The following PDE10A variants were observed in gnomAD, a reference collection of about 807,000 sequenced individuals.
PDE10A encodes the protein cAMP and cAMP-inhibited cGMP 3',5'-cyclic phosphodiesterase 10A.
A neutral mutation model predicts 97.7 loss-of-function variants in PDE10A; 39 were observed. That is an observed-to-expected ratio of 0.40 (90% CI 0.31 to 0.52). The LOEUF is 0.52. Among genes scored for constraint, PDE10A ranks in the 20% least tolerant of loss-of-function variants. The pLI, the probability that PDE10A is intolerant of heterozygous loss-of-function variation, is 0.56. For synonymous variants in PDE10A, 371 were observed against 376.8 expected (o/e 0.98, Z 0.18); for missense variants, 731 against 1,047.8 (o/e 0.70, Z 4.17).
intron 13 of PDE10A, among the ~76,000 whole-genome samples, chr6:165,408,546 C>A (rs1395692750): frequency 6.6e-6 from 1 of 152,006 alleles, no homozygotes; most frequent in East Asian, 1.9e-4. Flanking sequence ...AGGGATCCCA[C>A]TATAAAGAAA....
At chr6:165,934,007 C>G (rs1447445370) in intron 1 of PDE10A, among the ~76,000 whole-genome samples, 1 of 146,216 alleles carries the variant, frequency 6.8e-6, no homozygotes. Flanking sequence ...TTTTTTTAGT[C>G]GGAGTCTCAC....
rs573531101 is a variant in PDE10A at position 165,826,166 on chromosome 6, C to T, written c.-615+161363G>A. Among the ~76,000 whole-genome samples, 6 of 152,304 alleles carry T rather than the reference C, an allele frequency of 3.9e-5. No individual in the cohort carries two copies. In the South Asian group the frequency reaches 1.2e-3, roughly 32 times the overall value. ...GTATTTCTTGATCACAGAGTTGACA[C>T]AATGTCCTTGCCTTTTATTTTCCTC... On this transcript the variant is annotated intron_variant, in intron 1 of 19. Coordinates refer to the PDE10A transcript ENST00000366882.
At position 165,482,227 on chromosome 6, in the gene PDE10A, T is replaced by C. The variant is rs534368958; in HGVS notation, c.1023+88A>G. On this transcript the variant is annotated intron_variant, in intron 3 of 21. Coordinates refer to ENST00000539869, the MANE Select transcript of PDE10A (RefSeq NM_001385079.1). ...TCAGTTTTTGCCATAATCTTTCTGA[T>C]ACTTTAATGTGTTAGAGTACTGAGA... is the stretch of plus-strand genomic sequence containing the variant. 11 of 895,428 alleles carry C rather than the reference T, an allele frequency of 1.2e-5. No individual in the cohort carries two copies. The South Asian group carries it at 1.5e-4, about 12-fold the overall frequency. 55.5% of individuals were successfully genotyped at this position (895,428 alleles called of 1,614,324 possible). A position where few individuals can be genotyped will look rare whatever the true frequency, so the allele number is the denominator to read the frequency against.
chr6:165,485,366 G>T (rs1009160155), intron 2 of PDE10A, among the ~76,000 whole-genome samples: 5 of 151,426 alleles, frequency 3.3e-5, no homozygotes, highest in African/African-American at 1.2e-4. Flanking sequence ...TACTCTGGAG[G>T]CTGAGGCAGG....
Position 165,671,407 on chromosome 6 carries a change from G to T in PDE10A, c.-614-127839C>A, listed in dbSNP as rs907066386. 5.3e-5 allele frequency among the ~76,000 whole-genome samples: 8 copies of T among 152,094 alleles called. No homozygotes were observed. Among genetic ancestry groups the T allele is most frequent in the African/African-American group, 1.7e-4 (7 of 41,412 alleles). On this transcript the variant is annotated intron_variant, in intron 1 of 19. Transcript: ENST00000366882. This position sits in a 1 kb window ranked among gnomAD's most constrained non-coding sequence, Gnocchi z 4.6. ...GCCCGAATTCAGCCCAGGTGCCTCT[G>T]CCCATTTACTGCCCAGAACTGAACA... is the stretch of plus-strand genomic sequence containing the variant.
At chr6:165,915,842 C>T (rs1181764353) in intron 1 of PDE10A, among the ~76,000 whole-genome samples, 1 of 152,242 alleles carries the variant, frequency 6.6e-6, no homozygotes, top group African/African-American at 2.4e-5. Flanking sequence ...TACTTCAACT[C>T]TGTGATTCAA....
chr6:165,734,810 G>A (rs1583012112), intron 1 of PDE10A, among the ~76,000 whole-genome samples: 1 of 152,324 alleles, frequency 6.6e-6, no homozygotes, highest in Middle Eastern at 3.4e-3. Context: ...TGTTTTCACA[G>A]AGCCAGTAAC....
chr6:165,857,737 G>GTGTGTA (rs397518282), intron 1 of PDE10A, among the ~76,000 whole-genome samples: 117 of 74,842 alleles, frequency 1.6e-3, no homozygotes, highest in African/African-American at 5.0e-3. Context: ...GTGTGTGTGT[G>GTGTGTA]AAGAATGATT....
At chr6:165,916,365 C>T (rs1782603733) in intron 1 of PDE10A, among the ~76,000 whole-genome samples, 1 of 152,146 alleles carries the variant, frequency 6.6e-6, no homozygotes, top group African/African-American at 2.4e-5. Flanking sequence ...CAGGACCATC[C>T]TAGGGTAGCT....
intron 1 of PDE10A, among the ~76,000 whole-genome samples, chr6:165,727,073 C>T (rs1165486478): frequency 6.6e-6 from 1 of 152,188 alleles, no homozygotes; most frequent in Non-Finnish European, 1.5e-5. Context: ...CTGCTTCCTC[C>T]GCCCAGAATC....
intron 1 of PDE10A, among the ~76,000 whole-genome samples, chr6:165,904,363 G>C (rs917451965): frequency 6.6e-6 from 1 of 152,126 alleles, no homozygotes; most frequent in Non-Finnish European, 1.5e-5. Context: ...AAAGAGACAA[G>C]GAAGTCTCTA....
At chr6:165,422,070 GA>G (rs1788734410) in intron 10 of PDE10A, among the ~76,000 whole-genome samples, 1 of 152,036 alleles carries the variant, frequency 6.6e-6, no homozygotes, top group South Asian at 2.1e-4. Context: ...TCTAAAGAAA[GA>G]AAAAGAGGCT....
intron 1 of PDE10A, among the ~76,000 whole-genome samples, chr6:165,748,225 A>C (rs558538612): frequency 1.3e-5 from 2 of 152,236 alleles, no homozygotes; most frequent in Non-Finnish European, 2.9e-5. Flanking sequence ...TTAGCATTTC[A>C]TGTCAATTCC....
At chr6:165,549,490 A>C (rs1783905603) in intron 1 of PDE10A, among the ~76,000 whole-genome samples, 1 of 151,928 alleles carries the variant, frequency 6.6e-6, no homozygotes, top group South Asian at 2.1e-4. Context: ...ACGCCCGGCC[A>C]ATTTTTTGTA....
intron 1 of PDE10A, among the ~76,000 whole-genome samples, chr6:165,677,415 G>A (rs1224440559): frequency 6.6e-6 from 1 of 152,186 alleles, no homozygotes. Flanking sequence ...GTCACATACA[G>A]TGAGCCCTCC....
At chr6:165,539,631 A>C (rs756833791) in intron 2 of PDE10A, among the ~76,000 whole-genome samples, 5 of 152,206 alleles carry the variant, frequency 3.3e-5, no homozygotes, top group African/African-American at 7.2e-5. Context: ...GGGAATTAAA[A>C]TATGTATCGG....
chr6:165,718,038 C>T (rs1011314754), intron 1 of PDE10A, among the ~76,000 whole-genome samples: 4 of 152,172 alleles, frequency 2.6e-5, no homozygotes, highest in African/African-American at 7.2e-5. Flanking sequence ...TCTCCCGTTC[C>T]GTGGGTTACC....
intron 1 of PDE10A, among the ~76,000 whole-genome samples, chr6:165,641,549 G>T (rs1349646607): frequency 6.6e-6 from 1 of 150,786 alleles, no homozygotes; most frequent in Non-Finnish European, 1.5e-5. Context: ...GCTCTCAGAG[G>T]CAGAGGTGGT....
Position 165,396,475 on chromosome 6 carries a change from A to G in PDE10A, c.2077-16T>C. ...TATGATACATCTAGAAGGCAAATCC[A>G]AAAAAAAAACCCCCAAAATTAAAAG... On this transcript the variant is annotated splice_polypyrimidine_tract_variant and intron_variant, in intron 13 of 21. Coordinates refer to ENST00000539869, the MANE Select transcript of PDE10A (RefSeq NM_001385079.1). 2 of 1,391,590 alleles carry G rather than the reference A, an allele frequency of 1.4e-6. No homozygotes were observed. The highest frequency in any genetic ancestry group is 1.9e-6 in the Non-Finnish European group (2 of 1,032,768). The allele number at this position is 1,391,590 out of a possible 1,614,324, so 86.2% of individuals were successfully genotyped here. A position where few individuals can be genotyped will look rare whatever the true frequency, so the allele number is the denominator to read the frequency against.
Sources: allele counts gnomAD v4.1 joint callset (sites outside exome capture counted in the v4.1 genomes callset), GRCh38; gene constraint gnomAD v4.1.1; non-coding constraint Gnocchi (gnomAD v3.1); transcripts MANE v1.5; gene names NCBI Gene and HGNC (gene_info 2026-07-23, HGNC 2026-07-21).